Variants in SERPINC1 observed in about 807,000 individuals in gnomAD.
The protein encoded by SERPINC1 is antithrombin-III.
SERPINC1 carries 12 observed loss-of-function variants against 43.4 expected under a neutral mutation model. The observed-to-expected ratio is 0.28, with a 90% confidence interval of 0.18 to 0.45. The LOEUF is 0.45. Among genes scored for constraint, SERPINC1 ranks in the 20% least tolerant of loss-of-function variants. The pLI is 1.00. For missense variants in SERPINC1, 423 were observed against 578.8 expected, an observed-to-expected ratio of 0.73 and a Z score of 2.76; for synonymous variants, 210 against 218.9, an observed-to-expected ratio of 0.96 and a Z score of 0.36.
intron 2 of SERPINC1, among the ~76,000 whole-genome samples, chr1:173,914,007 G>A (rs181559474): frequency 4.6e-5 from 7 of 152,208 alleles, no homozygotes; most frequent in Middle Eastern, 3.4e-3. Context: ...GAACCTGGGA[G>A]GCAGAGTTTG....
rs144618044 is a variant in SERPINC1, at chr1:173,907,790, C to T, written c.1154-276G>A. Among the ~76,000 whole-genome samples, 474 of 151,756 alleles carry T rather than the reference C, an allele frequency of 3.1e-3. 4 individuals are homozygous for T. Among genetic ancestry groups the T allele is most frequent in the African/African-American group, 0.011 (435 of 41,370 alleles). On this transcript the variant is annotated intron_variant, in intron 5 of 6. Coordinates refer to ENST00000367698, the MANE Select transcript of SERPINC1 (RefSeq NM_000488.4). ...AGGTCAGGAGTTGGAGACACTCTAA[C>T]TAATATGGTGAAACCTTGTCTCTAT...
At chr1:173,908,941 C>T (rs1042777647) in intron 5 of SERPINC1, among the ~76,000 whole-genome samples, 6 of 152,092 alleles carry the variant, frequency 3.9e-5, no homozygotes, top group East Asian at 1.9e-4. Flanking sequence ...CCAAGGCAGG[C>T]GGATCACAAG....
At chr1:173,916,572 G>A (rs937509906) in intron 1 of SERPINC1, among the ~76,000 whole-genome samples, 7 of 151,018 alleles carry the variant, frequency 4.6e-5, no homozygotes, top group Non-Finnish European at 8.8e-5. Flanking sequence ...GCCTTCGGTT[G>A]CCCACTCTGT....
rs1261809762 is a variant in SERPINC1 at position 173,910,996 on chromosome 1, A to G, written c.625-105T>C. On this transcript the variant is annotated intron_variant, in intron 3 of 6. Coordinates refer to ENST00000367698, the MANE Select transcript of SERPINC1 (RefSeq NM_000488.4). ...TCTCACCATCCCTCTGTCCTTTCCC[A>G]CCATTTGATTAAGAAGCCATTGCTC... 6.0e-6 allele frequency: 8 copies of G among 1,333,328 alleles called. No individual in the cohort carries two copies. The Admixed American group carries it at 1.2e-4, about 20-fold the overall frequency. 82.6% of individuals were successfully genotyped at this position (1,333,328 alleles called of 1,614,324 possible). A position where few individuals can be genotyped will look rare whatever the true frequency, so the allele number is the denominator to read the frequency against.
At chr1:173,908,415 G>T (rs968685755) in intron 5 of SERPINC1, among the ~76,000 whole-genome samples, 15 of 150,670 alleles carry the variant, frequency 1.0e-4, no homozygotes, top group African/African-American at 2.7e-4. Flanking sequence ...ACTTGAATCT[G>T]GGGGGTGGAG....
intron 4 of SERPINC1, among the ~76,000 whole-genome samples, chr1:173,910,463 C>A (rs1007091301): frequency 6.6e-6 from 1 of 152,068 alleles, no homozygotes; most frequent in Admixed American, 6.5e-5. Context: ...TGCCTGTATT[C>A]CCAGCTACTT....
At chr1:173,909,261 A>G (rs1164901043) in intron 5 of SERPINC1, among the ~76,000 whole-genome samples, 4 of 152,118 alleles carry the variant, frequency 2.6e-5, no homozygotes, top group South Asian at 2.1e-4. Flanking sequence ...CTGAATTCCA[A>G]TGCCCTTTCA....
At position 173,909,648 on chromosome 1, in the gene SERPINC1, G is replaced by A. The variant is rs2102782517; in HGVS notation, c.1057C>T (p.Pro353Ser). ...LEEMMLVVHM[P>S]RFRIEDGFSL... ...AAGCCGTCCTCAATGCGGAAGCGGG[G>A]CATGTGGACCACCAGCATCATCTCC... The change falls in exon 5 of 7, where the codon CCC becomes TCC. Residue 353 changes from proline (P) to serine (S), a missense_variant. Physicochemically the swap from Pro to Ser is moderately conservative, Grantham distance 74 (BLOSUM62 -1). Coordinates refer to ENST00000367698, the MANE Select transcript of SERPINC1 (RefSeq NM_000488.4). 6.2e-7 allele frequency: 1 copy of A among 1,613,802 alleles called. No homozygotes were observed. The highest frequency in any genetic ancestry group is 8.5e-7 in the Non-Finnish European group (1 of 1,179,734).
At position 173,910,897 on chromosome 1, in the gene SERPINC1, G is replaced by C. The variant is rs543358196; in HGVS notation, c.625-6C>G. On this transcript the variant is annotated splice_polypyrimidine_tract_variant and splice_region_variant and intron_variant, in intron 3 of 6. Coordinates refer to ENST00000367698, the MANE Select transcript of SERPINC1 (RefSeq NM_000488.4). ...CTGGATTGCTCTGCATTTTCCTGAG[G>C]AGAACAGAAAATAAACCTACTCACC... 1 of 1,614,002 alleles carries C rather than the reference G, an allele frequency of 6.2e-7. No individual in the cohort carries two copies. The highest frequency in any genetic ancestry group is 1.3e-5 in the African/African-American group (1 of 74,920).
At chr1:173,906,296 C>T (rs900647949) in intron 6 of SERPINC1, among the ~76,000 whole-genome samples, 2 of 152,236 alleles carry the variant, frequency 1.3e-5, no homozygotes, top group Admixed American at 6.5e-5. Context: ...GTTCCACAGG[C>T]TGTACACGGC....
chr1:173,916,239 A>G (rs1314168950), intron 1 of SERPINC1, among the ~76,000 whole-genome samples: 3 of 152,186 alleles, frequency 2.0e-5, no homozygotes, highest in Non-Finnish European at 4.4e-5. Flanking sequence ...GGCTGCCTCC[A>G]GCTGGTTTAT....
chr1:173,910,961 A>G, intron 3 of SERPINC1, 70 bp from the exon 4 acceptor site: 3 of 1,566,966 alleles, frequency 1.9e-6, no homozygotes, highest in Non-Finnish European at 2.6e-6. Context: ...CCCAGGCAGC[A>G]TTTTATTTTT....
chr1:173,913,686 C>G (rs1208006521), intron 2 of SERPINC1, among the ~76,000 whole-genome samples: 1 of 152,134 alleles, frequency 6.6e-6, no homozygotes, highest in Non-Finnish European at 1.5e-5. Context: ...GAAACCCCAT[C>G]TCTACTAAGA....
rs1307013919 is a variant in SERPINC1 at position 173,914,843 on chromosome 1, A to G, written c.118T>C (p.Cys40Arg). 6.2e-7 allele frequency: 1 copy of G among 1,614,136 alleles called. No individual in the cohort carries two copies. Among genetic ancestry groups the G allele is most frequent in the Admixed American group, 1.7e-5 (1 of 60,010 alleles). The change falls in exon 2 of 7, where the codon TGC becomes CGC. Residue 40 changes from cysteine (C) to arginine (R), a missense_variant. Cys to Arg is a radical substitution (Grantham distance 180). Transcript: ENST00000367698. ...GGAATGTCCCGCGGCTTGGCTGTGC[A>G]GATGTCCACAGGGCTCCCGTGACAG... ...VTCHGSPVDI[C>R]TAKPRDIPMN... is the part of the protein sequence containing the mutation.
Position 173,911,820 on chromosome 1 carries a change from C to A in SERPINC1, c.603G>T (p.Lys201Asn), listed in dbSNP as rs779025291. The A allele has an allele frequency of 1.3e-5, 21 of 1,613,992 alleles. No homozygotes were observed. Among genetic ancestry groups the A allele is most frequent in the Non-Finnish European group, 1.7e-5 (20 of 1,179,972 alleles). Residue 201 changes from lysine (K) to asparagine (N), a missense_variant, in exon 3 of 7, where the codon AAG (lysine) becomes AAT (asparagine). Physicochemically the swap from Lys to Asn is moderately conservative, Grantham distance 94. Transcript: ENST00000367698. ...QDISELVYGAKLQPLDFKENA... is the reference protein window; with the variant it reads ...QDISELVYGANLQPLDFKENA... ...TCACCTTGAAGTCCAGGGGCTGGAGCTTGGCTCCATATACCAACTCACTGA... is the reference window on the plus strand; with the variant it reads ...TCACCTTGAAGTCCAGGGGCTGGAGATTGGCTCCATATACCAACTCACTGA...
chr1:173,916,536 C>T (rs1003757815), intron 1 of SERPINC1, among the ~76,000 whole-genome samples: 5 of 152,346 alleles, frequency 3.3e-5, no homozygotes, highest in African/African-American at 1.2e-4. Flanking sequence ...GGAGAGGACC[C>T]TGCCATTCAT....
intron 2 of SERPINC1, among the ~76,000 whole-genome samples, chr1:173,913,508 C>T (rs747309154): frequency 1.3e-5 from 2 of 152,158 alleles, no homozygotes; most frequent in Non-Finnish European, 2.9e-5. Flanking sequence ...CGTGCAGTGG[C>T]TCATGCTTGT....
chr1:173,917,196 AG>A (rs1255482950), intron 1 of SERPINC1, 22 bp downstream of exon 1: 1 of 1,611,244 alleles, frequency 6.2e-7, no homozygotes, highest in South Asian at 1.1e-5. Context: ...GGGGCAGGCA[AG>A]GGGAAAGCTC....
At position 173,914,936 on chromosome 1, in the gene SERPINC1, T is replaced by A. The variant is rs768646742; in HGVS notation, c.42-17A>T. The A allele has an allele frequency of 1.2e-6, 2 of 1,610,418 alleles. No individual in the cohort carries two copies. Among genetic ancestry groups the A allele is most frequent in the East Asian group, 4.5e-5 (2 of 44,876 alleles). ...TAAACCTTCCTGCAAGGAGACAAAA[T>A]GCCAAGTTAAGCTAGGCTGCAACCC... On this transcript the variant is annotated splice_polypyrimidine_tract_variant and intron_variant, in intron 1 of 6. Transcript: ENST00000367698.
Sources: gnomAD v4.1 joint callset for allele counts (sites outside exome capture counted in the v4.1 genomes callset) on GRCh38, gnomAD v4.1.1 for gene constraint, MANE v1.5 for transcripts, NCBI Gene and HGNC (gene_info 2026-07-23, HGNC 2026-07-21) for gene names.